Variants in FAM227B observed in about 807,000 individuals in gnomAD.
The protein encoded by FAM227B is protein FAM227B.
A neutral mutation model predicts 73.8 loss-of-function variants in FAM227B; 88 were observed. The observed-to-expected ratio is 1.19, with a 90% CI of 1.00 to 1.42. FAM227B has a LOEUF of 1.42. Ranked by LOEUF, FAM227B falls within the 40% of genes most tolerant of loss-of-function variation. FAM227B has a pLI of 0.00. For missense variants in FAM227B, 632 were observed against 590.9 expected (o/e 1.07, Z -0.72); for synonymous variants, 210 against 190.5 (o/e 1.10, Z -0.84).
chr15:49,540,025 T>C (rs1209195153), intron 10 of FAM227B, among the ~76,000 whole-genome samples: 1 of 152,136 alleles, frequency 6.6e-6, no homozygotes, highest in Admixed American at 6.6e-5. Flanking sequence ...GTCCTGGCCC[T>C]GGGTAGCACA....
chr15:49,418,581 T>C (rs956119638), intron 11 of FAM227B, among the ~76,000 whole-genome samples: 4 of 152,124 alleles, frequency 2.6e-5, no homozygotes, highest in South Asian at 2.1e-4. Flanking sequence ...CACTTATAAA[T>C]AGAGCTAAGT....
At chr15:49,574,867 T>C (rs1255652256) in intron 8 of FAM227B, 144 bp downstream of exon 8, 16 of 476,268 alleles carry the variant, frequency 3.4e-5, no homozygotes, top group South Asian at 4.0e-5. Flanking sequence ...AGACATCATA[T>C]AGGATTTCTA....
chr15:49,361,670 T>C (rs1010782197), intron 13 of FAM227B, among the ~76,000 whole-genome samples: 1 of 152,152 alleles, frequency 6.6e-6, no homozygotes, highest in Non-Finnish European at 1.5e-5. Context: ...GTTGAATTCC[T>C]TATCTTTACT....
intron 11 of FAM227B, among the ~76,000 whole-genome samples, chr15:49,502,892 G>T (rs952776143): frequency 2.0e-5 from 3 of 152,170 alleles, no homozygotes; most frequent in African/African-American, 7.2e-5. Context: ...CATCCCCTTG[G>T]TGATAAGTAA....
intron 10 of FAM227B, among the ~76,000 whole-genome samples, chr15:49,526,125 T>G (rs2060188007): frequency 6.6e-6 from 1 of 152,108 alleles, no homozygotes; most frequent in Non-Finnish European, 1.5e-5. Flanking sequence ...ATATGGAACA[T>G]TCTCCAAAAC....
chr15:49,614,374 G>A (rs980649306), intron 2 of FAM227B, among the ~76,000 whole-genome samples: 48 of 152,154 alleles, frequency 3.2e-4, no homozygotes, highest in African/African-American at 1.1e-3. Flanking sequence ...AATGCCAGGA[G>A]GCAGGACCAG....
intron 11 of FAM227B, among the ~76,000 whole-genome samples, chr15:49,450,963 C>A (rs557892849): frequency 6.6e-6 from 1 of 152,116 alleles, no homozygotes; most frequent in East Asian, 1.9e-4. Flanking sequence ...TGCTCCTTCC[C>A]CCAAAAATAT....
At chr15:49,349,278 TTCA>T (rs780407236) in intron 13 of FAM227B, among the ~76,000 whole-genome samples, 67 of 152,294 alleles carry the variant, frequency 4.4e-4, no homozygotes, top group Admixed American at 8.5e-4. Context: ...AACTCCTTTG[TTCA>T]TCAAGTTCTT....
chr15:49,539,623 C>T (rs2070772991), intron 10 of FAM227B, among the ~76,000 whole-genome samples: 1 of 152,170 alleles, frequency 6.6e-6, no homozygotes. Context: ...TAAATTCAGG[C>T]AGAGCTCAGG....
chr15:49,543,887 T>C (rs1247531488), intron 9 of FAM227B, among the ~76,000 whole-genome samples: 1 of 152,206 alleles, frequency 6.6e-6, no homozygotes, highest in African/African-American at 2.4e-5. Context: ...TACCATGGTG[T>C]TTTGGTAACA....
chr15:49,411,134 T>C (rs2048848416), intron 11 of FAM227B, among the ~76,000 whole-genome samples: 3 of 151,778 alleles, frequency 2.0e-5, no homozygotes, highest in Admixed American at 2.0e-4. Flanking sequence ...TAAAAAACAG[T>C]TGCAGAATTG....
At position 49,554,474 on chromosome 15, in the gene FAM227B, C is replaced by T. The variant is rs149321656; in HGVS notation, c.748-12668G>A. Among the ~76,000 whole-genome samples the T allele has an allele frequency of 1.3e-3, 198 of 152,272 alleles. 1 individual carries two copies. The highest frequency in any genetic ancestry group is 5.6e-3 in the South Asian group (27 of 4,830). On this transcript the variant is annotated intron_variant, in intron 9 of 15. Transcript: ENST00000299338. ...GGTTTGCAGGTTCTCAAGTTCTGAC[C>T]GCTGGGATCCACAATTCCCCTCTGT...
At chr15:49,362,435 C>A (rs1291150147) in intron 13 of FAM227B, among the ~76,000 whole-genome samples, 1 of 152,160 alleles carries the variant, frequency 6.6e-6, no homozygotes, top group East Asian at 1.9e-4. Context: ...TCAGTTAAAT[C>A]TCTTTTCTTC....
chr15:49,611,282 A>G lies in FAM227B; in HGVS notation c.52-14T>C. On this transcript the variant is annotated splice_polypyrimidine_tract_variant and intron_variant, in intron 2 of 15. Transcript: ENST00000299338. ...TTCTTGCATTTTCTAATAAAGTAATATCAACATTGTTCATTGGCATAAACT... is the reference window on the plus strand; with the variant it reads ...TTCTTGCATTTTCTAATAAAGTAATGTCAACATTGTTCATTGGCATAAACT... The G allele has an allele frequency of 6.6e-7, 1 of 1,514,330 alleles. No individual in the cohort carries two copies. Among genetic ancestry groups the G allele is most frequent in the Non-Finnish European group, 9.1e-7 (1 of 1,094,770 alleles). The allele number at this position is 1,514,330 out of a possible 1,614,324, so 93.8% of individuals were successfully genotyped here. A position where few individuals can be genotyped will look rare whatever the true frequency, so the allele number is the denominator to read the frequency against.
intron 10 of FAM227B, among the ~76,000 whole-genome samples, chr15:49,533,035 A>G (rs2060729388): frequency 6.6e-6 from 1 of 151,922 alleles, no homozygotes; most frequent in African/African-American, 2.4e-5. Flanking sequence ...ACACTGCTCC[A>G]TCAATGGCAC....
rs2056121352 is a variant in FAM227B, at chr15:49,483,314, A to G, written c.1012+24897T>C. 38 of 829,198 alleles carry G rather than the reference A, an allele frequency of 4.6e-5. 1 individual carries two copies. The South Asian group carries it at 5.4e-4, about 12-fold the overall frequency. 51.4% of individuals were successfully genotyped at this position (829,198 alleles called of 1,614,324 possible). A position where few individuals can be genotyped will look rare whatever the true frequency, so the allele number is the denominator to read the frequency against. ...AAACTCATTTTTGTCAAAATATCTC[A>G]CCTTTCTGAAAAGTAAAAATGGAAT... On this transcript the variant is annotated intron_variant, in intron 11 of 15. Coordinates refer to ENST00000299338, the MANE Select transcript of FAM227B (RefSeq NM_152647.3).
At chr15:49,462,392 A>G (rs528744604) in intron 11 of FAM227B, among the ~76,000 whole-genome samples, 146 of 152,296 alleles carry the variant, frequency 9.6e-4, no homozygotes, top group Middle Eastern at 6.8e-3. Context: ...CTTAATCACA[A>G]TGCTTTTTCC....
At chr15:49,528,659 T>C (rs935461307) in intron 10 of FAM227B, among the ~76,000 whole-genome samples, 2 of 151,736 alleles carry the variant, frequency 1.3e-5, no homozygotes, top group South Asian at 4.2e-4. Flanking sequence ...CATTAAAAAG[T>C]GGGCAAAGGA....
intron 13 of FAM227B, among the ~76,000 whole-genome samples, chr15:49,353,293 G>A (rs2042517523): frequency 6.6e-6 from 1 of 152,094 alleles, no homozygotes; most frequent in African/African-American, 2.4e-5. Flanking sequence ...CCTCTTCAGT[G>A]CAATCAAGGG....
Sources: allele counts gnomAD v4.1 joint callset (sites outside exome capture counted in the v4.1 genomes callset), GRCh38; gene constraint gnomAD v4.1.1; transcripts MANE v1.5; gene names NCBI Gene and HGNC (gene_info 2026-07-23, HGNC 2026-07-21).